Variants in KCNQ1OT1 observed in about 807,000 individuals in gnomAD.
KCNQ1OT1 encodes KCNQ1 antisense RNA 2 (non-protein coding).
At position 2,645,089 on chromosome 11, in the gene KCNQ1OT1, T is replaced by G. The variant is rs1849646404; in HGVS notation, n.54906A>C. ...GCTGGGCCACAGGGTGGGTAGGTCC[T>G]TGAGCTCTGAGCAGCAGATATGGCT... On this transcript the variant is annotated non_coding_transcript_exon_variant, in exon 1 of 1. Transcript: ENST00000597346. This position sits in a 1 kb window ranked among gnomAD's most constrained non-coding sequence, Gnocchi z 5.8. 5.0e-6 allele frequency: 2 copies of G among 398,548 alleles called. No homozygotes were observed. Among genetic ancestry groups the G allele is most frequent in the Non-Finnish European group, 8.8e-6 (2 of 226,120 alleles). The allele number at this position is 398,548 out of a possible 1,614,324, so 24.7% of individuals were successfully genotyped here. A position where few individuals can be genotyped will look rare whatever the true frequency, so the allele number is the denominator to read the frequency against.
chr11:2,661,780 T>C lies in KCNQ1OT1; in HGVS notation n.38215A>G, dbSNP rs1351067175. On this transcript the variant is annotated non_coding_transcript_exon_variant, in exon 1 of 1. Coordinates refer to ENST00000597346, the Ensembl canonical transcript of KCNQ1OT1. This position sits in a 1 kb window ranked among gnomAD's most constrained non-coding sequence, Gnocchi z 5.9. ...CTCAGACACTGAGGTGTCAGGCACT[T>C]TGGGGCCATCTTAAACACCCACCCA... The C allele has an allele frequency of 2.9e-6, 2 of 690,520 alleles. No individual in the cohort carries two copies. The highest frequency in any genetic ancestry group is 5.1e-6 in the Non-Finnish European group (2 of 392,882). The allele number at this position is 690,520 out of a possible 1,614,324, so 42.8% of individuals were successfully genotyped here.
At position 2,692,961 on chromosome 11, in the gene KCNQ1OT1, A is replaced by G. The variant is rs140178549; in HGVS notation, n.7034T>C. 5.3e-4 allele frequency: 212 copies of G among 398,662 alleles called. 1 individual carries two copies. The highest frequency in any genetic ancestry group is 4.1e-3 in the African/African-American group (200 of 48,756). The allele number at this position is 398,662 out of a possible 1,614,324, so 24.7% of individuals were successfully genotyped here. On this transcript the variant is annotated non_coding_transcript_exon_variant, in exon 1 of 1. Transcript: ENST00000597346. ...TGTCCTGCCCATACGCTCAATAATG[A>G]GGCCCACTGAACTCTCCTGGTTTCC...
chr11:2,680,757 T>G, exon 1 of KCNQ1OT1: 1 of 138,384 alleles, frequency 7.2e-6, no homozygotes, highest in Non-Finnish European at 1.6e-5. Flanking sequence ...CCCTGACAAC[T>G]ACTAACCTAT....
chr11:2,645,507 T>G lies in KCNQ1OT1; in HGVS notation n.54488A>C. ...ATGCTCATGTTGGGGCAGCAGCAAC[T>G]CTATTGCAGCCCTACTCCTGGGGAA... On this transcript the variant is annotated non_coding_transcript_exon_variant, in exon 1 of 1. Coordinates refer to ENST00000597346, the Ensembl canonical transcript of KCNQ1OT1. The surrounding 1 kb of genome is among the most constrained non-coding windows in gnomAD (Gnocchi z 5.8). 1 of 398,720 alleles carries G rather than the reference T, an allele frequency of 2.5e-6. No individual in the cohort carries two copies. The highest frequency in any genetic ancestry group is 4.4e-6 in the Non-Finnish European group (1 of 226,182). The allele number at this position is 398,720 out of a possible 1,614,324, so 24.7% of individuals were successfully genotyped here. A position where few individuals can be genotyped will look rare whatever the true frequency, so the allele number is the denominator to read the frequency against.
rs1849865430 is a variant in KCNQ1OT1 at position 2,657,198 on chromosome 11, T to G, written n.42797A>C. On this transcript the variant is annotated non_coding_transcript_exon_variant, in exon 1 of 1. Coordinates refer to ENST00000597346, the Ensembl canonical transcript of KCNQ1OT1. This position sits in a 1 kb window ranked among gnomAD's most constrained non-coding sequence, Gnocchi z 4.8. ...TCTTCTTCAAGAATATTGCCAATTC[T>G]TGGCTTTTTGCACTTCCAAGTCGCA... is the stretch of plus-strand genomic sequence containing the variant. 2.5e-6 allele frequency: 1 copy of G among 398,562 alleles called. No individual in the cohort carries two copies. The highest frequency in any genetic ancestry group is 4.4e-6 in the Non-Finnish European group (1 of 226,082). The allele number at this position is 398,562 out of a possible 1,614,324, so 24.7% of individuals were successfully genotyped here. A position where few individuals can be genotyped will look rare whatever the true frequency, so the allele number is the denominator to read the frequency against.
At chr11:2,667,834 TTTAG>T (rs1450915329) in exon 1 of KCNQ1OT1, 18 of 398,466 alleles carry the variant, frequency 4.5e-5, no homozygotes, top group African/African-American at 3.5e-4. Flanking sequence ...GTGTTAAACT[TTTAG>T]TTAAAGGGTA....
chr11:2,630,790 C>G (rs552703091), exon 1 of KCNQ1OT1: 2 of 398,458 alleles, frequency 5.0e-6, no homozygotes, highest in South Asian at 2.5e-4. Context: ...ACTCCTTCAA[C>G]TTTTGTTTAC....
exon 1 of KCNQ1OT1, chr11:2,699,841 C>A (rs1850761897): frequency 5.0e-6 from 2 of 396,114 alleles, no homozygotes; most frequent in Non-Finnish European, 8.9e-6. Flanking sequence ...AGGAGGACCG[C>A]GCTGAGGGGC....
exon 1 of KCNQ1OT1, chr11:2,625,447 T>C (rs796969270): frequency 5.0e-6 from 2 of 398,560 alleles, no homozygotes; most frequent in African/African-American, 4.1e-5. Flanking sequence ...TTAATAGTAG[T>C]CATCTGAGTG....
At position 2,683,112 on chromosome 11, in the gene KCNQ1OT1, A is replaced by G. The variant is rs563452841; in HGVS notation, n.16883T>C. On this transcript the variant is annotated non_coding_transcript_exon_variant, in exon 1 of 1. Coordinates refer to ENST00000597346, the Ensembl canonical transcript of KCNQ1OT1. The surrounding 1 kb of genome is among the most constrained non-coding windows in gnomAD (Gnocchi z 4.7). ...TCAGATTTTCTTGTTCCCAGGATAT[A>G]TCGCACCAACTCAGGAGGGTGTGGG... 5 of 368,114 alleles carry G rather than the reference A, an allele frequency of 1.4e-5. No individual in the cohort carries two copies. In the South Asian group the frequency reaches 7.2e-4, roughly 53 times the overall value. The allele number at this position is 368,114 out of a possible 1,614,324, so 22.8% of individuals were successfully genotyped here. A position where few individuals can be genotyped will look rare whatever the true frequency, so the allele number is the denominator to read the frequency against.
rs142317700 is a variant in KCNQ1OT1, at chr11:2,668,082, C to T, written n.31913G>A. ...TGCGGTGGGAATGATGCAACTCATA[C>T]ACCTTTGTGTCCAATGTCCCTCACT... is the stretch of plus-strand genomic sequence containing the variant. On this transcript the variant is annotated non_coding_transcript_exon_variant, in exon 1 of 1. Transcript: ENST00000597346. This position sits in a 1 kb window ranked among gnomAD's most constrained non-coding sequence, Gnocchi z 4.3. 1.8e-5 allele frequency: 7 copies of T among 398,602 alleles called. No homozygotes were observed. The highest frequency in any genetic ancestry group is 1.2e-4 in the African/African-American group (6 of 48,738). 24.7% of individuals were successfully genotyped at this position (398,602 alleles called of 1,614,324 possible). A position where few individuals can be genotyped will look rare whatever the true frequency, so the allele number is the denominator to read the frequency against.
exon 1 of KCNQ1OT1, chr11:2,629,830 G>T (rs926245805): frequency 2.5e-6 from 1 of 398,354 alleles, no homozygotes; most frequent in East Asian, 3.6e-5. Flanking sequence ...TTTTTGTGGA[G>T]TCTGTAGCAT....
At position 2,623,808 on chromosome 11, in the gene KCNQ1OT1, A is replaced by C. The variant is rs553977027; in HGVS notation, n.76187T>G. 10 of 398,484 alleles carry C rather than the reference A, an allele frequency of 2.5e-5. No homozygotes were observed. Among genetic ancestry groups the C allele is most frequent in the Non-Finnish European group, 4.0e-5 (9 of 226,056 alleles). 24.7% of individuals were successfully genotyped at this position (398,484 alleles called of 1,614,324 possible). ...ACCAAGGATGTGATTGCTGAACTGC[A>C]TGGTAAGAATATGTTTAATTTTATA... On this transcript the variant is annotated non_coding_transcript_exon_variant, in exon 1 of 1. Transcript: ENST00000597346. This position sits in a 1 kb window ranked among gnomAD's most constrained non-coding sequence, Gnocchi z 5.2.
rs1307415710 is a variant in KCNQ1OT1, at chr11:2,663,808, T to A, written n.36187A>T. The A allele has an allele frequency of 3.0e-5, 12 of 398,472 alleles. No homozygotes were observed. The highest frequency in any genetic ancestry group is 4.4e-5 in the Non-Finnish European group (10 of 226,110). 24.7% of individuals were successfully genotyped at this position (398,472 alleles called of 1,614,324 possible). On this transcript the variant is annotated non_coding_transcript_exon_variant, in exon 1 of 1. Transcript: ENST00000597346. The surrounding 1 kb of genome is among the most constrained non-coding windows in gnomAD (Gnocchi z 5.2). Reference sequence around the variant, plus strand: ...GCCCAGTAAATCACCACTATGGGGGTGAGGGCTGCCAGTGCTGGTATCAGC... The same window carrying A: ...GCCCAGTAAATCACCACTATGGGGGAGAGGGCTGCCAGTGCTGGTATCAGC...
Position 2,645,463 on chromosome 11 carries a change from T to C in KCNQ1OT1, n.54532A>G. ...ACTGTGGTAGGCAGGCACAGGAAGA[T>C]CCCTGTATACCCTGCTGAATGCTCA... On this transcript the variant is annotated non_coding_transcript_exon_variant, in exon 1 of 1. Coordinates refer to ENST00000597346, the Ensembl canonical transcript of KCNQ1OT1. The surrounding 1 kb of genome is among the most constrained non-coding windows in gnomAD (Gnocchi z 5.8). The C allele has an allele frequency of 2.5e-6, 1 of 398,666 alleles. No homozygotes were observed. Among genetic ancestry groups the C allele is most frequent in the East Asian group, 3.6e-5 (1 of 28,070 alleles). The allele number at this position is 398,666 out of a possible 1,614,324, so 24.7% of individuals were successfully genotyped here. A position where few individuals can be genotyped will look rare whatever the true frequency, so the allele number is the denominator to read the frequency against.
rs545580668 is a variant in KCNQ1OT1 at position 2,695,104 on chromosome 11, C to A, written n.4891G>T. ...AGAAATAGAAGCCACTAGAGGGTAT[C>A]TGGCAGGAGAGTCATGGAGGCACAT... is the stretch of plus-strand genomic sequence containing the variant. On this transcript the variant is annotated non_coding_transcript_exon_variant, in exon 1 of 1. Transcript: ENST00000597346. This position sits in a 1 kb window ranked among gnomAD's most constrained non-coding sequence, Gnocchi z 5.2. 1 of 398,646 alleles carries A rather than the reference C, an allele frequency of 2.5e-6. No homozygotes were observed. Among genetic ancestry groups the A allele is most frequent in the East Asian group, 3.6e-5 (1 of 28,080 alleles). 24.7% of individuals were successfully genotyped at this position (398,646 alleles called of 1,614,324 possible). A position where few individuals can be genotyped will look rare whatever the true frequency, so the allele number is the denominator to read the frequency against.
At chr11:2,618,321 A>G in exon 1 of KCNQ1OT1, 1 of 398,608 alleles carries the variant, frequency 2.5e-6, no homozygotes, top group Non-Finnish European at 4.4e-6. Flanking sequence ...AAAAATGCAA[A>G]AAAATTCAAT....
Position 2,690,594 on chromosome 11 carries a change from G to A in KCNQ1OT1, n.9401C>T, listed in dbSNP as rs1590034973. 2.5e-6 allele frequency: 1 copy of A among 398,702 alleles called. No individual in the cohort carries two copies. The highest frequency in any genetic ancestry group is 3.6e-5 in the East Asian group (1 of 28,080). 24.7% of individuals were successfully genotyped at this position (398,702 alleles called of 1,614,324 possible). A position where few individuals can be genotyped will look rare whatever the true frequency, so the allele number is the denominator to read the frequency against. On this transcript the variant is annotated non_coding_transcript_exon_variant, in exon 1 of 1. Transcript: ENST00000597346. This position sits in a 1 kb window ranked among gnomAD's most constrained non-coding sequence, Gnocchi z 5.1. ...GGGACAGAACCCACCTCCTGGCAGGGAGTGGGGCACACATATGTGCATGTT... is the reference window on the plus strand; with the variant it reads ...GGGACAGAACCCACCTCCTGGCAGGAAGTGGGGCACACATATGTGCATGTT...
rs997262713 is a variant in KCNQ1OT1, at chr11:2,663,617, C to G, written n.36378G>C. ...CACCTTGGTTCTCTTGGTCACGGAC[C>G]AGCATCCAGACATGCAAAAAGTCCT... is the stretch of plus-strand genomic sequence containing the variant. On this transcript the variant is annotated non_coding_transcript_exon_variant, in exon 1 of 1. Transcript: ENST00000597346. The surrounding 1 kb of genome is among the most constrained non-coding windows in gnomAD (Gnocchi z 5.2). 1.0e-4 allele frequency: 40 copies of G among 398,564 alleles called. No homozygotes were observed. Among genetic ancestry groups the G allele is most frequent in the Non-Finnish European group, 1.5e-4 (35 of 226,118 alleles). 24.7% of individuals were successfully genotyped at this position (398,564 alleles called of 1,614,324 possible).
Sources: allele counts gnomAD v4.1 joint callset, GRCh38; gene constraint gnomAD v4.1.1; non-coding constraint Gnocchi (gnomAD v3.1); transcripts MANE v1.5; gene names NCBI Gene and HGNC (gene_info 2026-07-23, HGNC 2026-07-21).